The following CHD9 variants were observed in gnomAD, a reference collection of about 807,000 sequenced individuals.
CHD9 encodes ATP-dependent chromatin remodeler CHD9.
CHD9 carries 77 observed loss-of-function variants against 316.1 expected under a neutral mutation model. The observed-to-expected ratio is 0.24, with a 90% CI of 0.20 to 0.29. The LOEUF (loss-of-function observed/expected upper bound fraction) is 0.29. Among genes scored for constraint, CHD9 ranks in the 10% least tolerant of loss-of-function variants. CHD9 has a pLI of 1.00. For missense variants in CHD9, 2,763 were observed against 3,438.1 expected (o/e 0.80, Z 4.91); for synonymous variants, 1,129 against 1,158.3 (o/e 0.97, Z 0.51).
At chr16:53,108,865 G>C (rs1170399544) in intron 1 of CHD9, among the ~76,000 whole-genome samples, 1 of 151,956 alleles carries the variant, frequency 6.6e-6, no homozygotes, top group Non-Finnish European at 1.5e-5. Flanking sequence ...TTGCACTCCA[G>C]CCTGGGCAAT....
At chr16:53,087,790 A>G (rs2035587373) in intron 1 of CHD9, among the ~76,000 whole-genome samples, 1 of 152,114 alleles carries the variant, frequency 6.6e-6, no homozygotes, top group South Asian at 2.1e-4. Context: ...TCTACTAAAA[A>G]TACAAAAATT....
chr16:53,073,102 A>T (rs889781353), intron 1 of CHD9, among the ~76,000 whole-genome samples: 15 of 152,160 alleles, frequency 9.9e-5, no homozygotes, highest in Non-Finnish European at 2.9e-5. Flanking sequence ...ATCTTGTAAA[A>T]CTAAAACTCT....
rs757219416 is a variant in CHD9, at chr16:53,308,843, T to C, written c.7211T>C (p.Ile2404Thr). ...ETSLVNFPKS[I>T]PVSGTSIQPT... ...AGCCTCGTCAATTTCCCAAAATCCATACCAGTATCAGGTGAATATGCAAGT... is the reference window on the plus strand; with the variant it reads ...AGCCTCGTCAATTTCCCAAAATCCACACCAGTATCAGGTGAATATGCAAGT... Residue 2404 changes from isoleucine to threonine, a missense_variant, in exon 34 of 39, where the codon ATA becomes ACA. Transcript: ENST00000447540. The C allele has an allele frequency of 2.7e-5, 44 of 1,612,616 alleles. No homozygotes were observed. In the African/African-American group the frequency reaches 4.8e-4, roughly 18 times the overall value.
intron 1 of CHD9, among the ~76,000 whole-genome samples, chr16:53,116,528 T>A (rs2038318592): frequency 6.6e-6 from 1 of 152,170 alleles, no homozygotes; most frequent in African/African-American, 2.4e-5. Flanking sequence ...AGGAAAAAGT[T>A]AGGCAGTCCC....
chr16:53,288,669 A>G (rs2054090132), intron 27 of CHD9, among the ~76,000 whole-genome samples: 1 of 152,174 alleles, frequency 6.6e-6, no homozygotes, highest in Non-Finnish European at 1.5e-5. Flanking sequence ...TGTGTGGGCA[A>G]TGAAAACCAA....
Position 53,318,325 on chromosome 16 carries a change from A to G in CHD9, c.7698A>G (p.Arg2566=). 1 of 1,600,698 alleles carries G rather than the reference A, an allele frequency of 6.2e-7. No individual in the cohort carries two copies. The highest frequency in any genetic ancestry group is 8.5e-7 in the Non-Finnish European group (1 of 1,175,614). Residue 2566 remains arginine, a synonymous_variant, in exon 37 of 39, where the codon AGA becomes AGG. Coordinates refer to ENST00000447540, the MANE Select transcript of CHD9 (RefSeq NM_001308319.2). Reference sequence around the variant, plus strand: ...AAGAACGTGTTCAACTGATTAACAGAAGAAATGCTAGAAAGGTATTTTAAT... The same window carrying G: ...AAGAACGTGTTCAACTGATTAACAGGAGAAATGCTAGAAAGGTATTTTAAT... ...TGEERVQLIN[R]RNARKVGGAF... is the part of the protein sequence containing the mutation.
chr16:53,312,989 CTTT>C (rs1246593190), intron 34 of CHD9, among the ~76,000 whole-genome samples: 6 of 152,154 alleles, frequency 3.9e-5, no homozygotes, highest in African/African-American at 1.2e-4. Context: ...ATTATGTACT[CTTT>C]AAGGAAAAGT....
intron 1 of CHD9, among the ~76,000 whole-genome samples, chr16:53,082,050 G>A (rs536574942): frequency 2.0e-4 from 31 of 152,176 alleles, no homozygotes; most frequent in South Asian, 8.3e-4. Context: ...TGTCTCCTGC[G>A]CACTGGAATT....
At chr16:53,063,927 A>G (rs912204817) in intron 1 of CHD9, among the ~76,000 whole-genome samples, 1 of 149,232 alleles carries the variant, frequency 6.7e-6, no homozygotes, top group Admixed American at 6.7e-5. Flanking sequence ...TTAAACTCCT[A>G]GGCTCTGGCC....
chr16:53,183,465 A>G (rs2043703978), intron 2 of CHD9, among the ~76,000 whole-genome samples: 1 of 152,224 alleles, frequency 6.6e-6, no homozygotes, highest in Non-Finnish European at 1.5e-5. Context: ...ATTTATTTAA[A>G]AGACAGAGAT....
chr16:53,306,469 T>G, intron 32 of CHD9, 72 bp downstream of exon 32: 1 of 1,262,422 alleles, frequency 7.9e-7, no homozygotes, highest in Non-Finnish European at 1.1e-6. Context: ...TGGTAGATAT[T>G]CTTACTATGT....
chr16:53,057,041 T>C, intron 1 of CHD9, among the ~76,000 whole-genome samples: 1 of 152,150 alleles, frequency 6.6e-6, no homozygotes, highest in East Asian at 1.9e-4. Context: ...CCAGGCATGG[T>C]GGCTCATGCA....
rs1233089219 is a variant in CHD9, at chr16:53,292,956, A to G, written c.5414A>G (p.Gln1805Arg). ...AAAAACAGACAAATTCAGCAGATAC[A>G]ACCGACTTTCTCGGTGCCTACCAGT... ...TNKNRQIQQI[Q>R]PTFSVPTSVM... Residue 1805 changes from glutamine to arginine, a missense_variant, in exon 29 of 39, where the codon CAA (glutamine) becomes CGA (arginine). Physicochemically the swap from Gln to Arg is conservative, Grantham distance 43 (BLOSUM62 1). Around this residue, in one of 15 missense-constraint regions of CHD9, gnomAD observed 183 missense variants for 258.5 expected, o/e 0.71. Transcript: ENST00000447540. The G allele has an allele frequency of 1.5e-5, 25 of 1,613,764 alleles. No homozygotes were observed. The highest frequency in any genetic ancestry group is 1.6e-4 in the Middle Eastern group (1 of 6,084).
intron 30 of CHD9, among the ~76,000 whole-genome samples, chr16:53,302,063 CT>C (rs1258042508): frequency 2.0e-5 from 3 of 152,054 alleles, no homozygotes; most frequent in Non-Finnish European, 4.4e-5. Flanking sequence ...GCGCCTGGCC[CT>C]TCCTCTCTTA....
At chr16:53,115,523 C>T (rs2038224586) in intron 1 of CHD9, among the ~76,000 whole-genome samples, 1 of 152,134 alleles carries the variant, frequency 6.6e-6, no homozygotes, top group Non-Finnish European at 1.5e-5. Context: ...ACTTTTGCAC[C>T]AACCTAAAAA....
intron 28 of CHD9, 114 bp from the exon 29 acceptor site, chr16:53,292,719 G>GTT: frequency 4.0e-6 from 3 of 757,698 alleles, no homozygotes; most frequent in Non-Finnish European, 6.5e-6. Flanking sequence ...TGAGAAATAT[G>GTT]TTTTTTTTTC....
At chr16:53,152,223 T>A (rs1396291206) in intron 1 of CHD9, among the ~76,000 whole-genome samples, 2 of 152,214 alleles carry the variant, frequency 1.3e-5, no homozygotes, top group African/African-American at 4.8e-5. Flanking sequence ...CTGTATTACT[T>A]AGGTTTGTGT....
Position 53,304,502 on chromosome 16 carries a change from T to C in CHD9, c.6496T>C (p.Ser2166Pro), listed in dbSNP as rs949402529. The C allele has an allele frequency of 1.2e-5, 18 of 1,551,860 alleles. No individual in the cohort carries two copies. Among genetic ancestry groups the C allele is most frequent in the Non-Finnish European group, 1.6e-5 (18 of 1,146,790 alleles). The change falls in exon 31 of 39, where the codon TCT (serine) becomes CCT (proline). Residue 2166 changes from serine to proline, a missense_variant. Around this residue, in one of 15 missense-constraint regions of CHD9, gnomAD observed 663 missense variants for 751.2 expected, o/e 0.88. Coordinates refer to ENST00000447540, the MANE Select transcript of CHD9 (RefSeq NM_001308319.2). ...CSHSRSGSSS[S>P]SSSSCSSASS... is the part of the protein sequence containing the mutation. ...CCACTCTCGATCAGGCTCTAGTTCT[T>C]CTTCATCTTCATCTTGTTCTTCAGC...
chr16:53,263,577 T>A (rs777537042), intron 20 of CHD9, among the ~76,000 whole-genome samples: 6 of 152,120 alleles, frequency 3.9e-5, no homozygotes, highest in Non-Finnish European at 8.8e-5. Context: ...AATAATAGCA[T>A]AACTGCTTAT....
Sources: gnomAD v4.1 joint callset for allele counts (sites outside exome capture counted in the v4.1 genomes callset) on GRCh38, gnomAD v4.1.1 for gene constraint, gnomAD v4.1.1 regional missense constraint, MANE v1.5 for transcripts, NCBI Gene and HGNC (gene_info 2026-07-23, HGNC 2026-07-21) for gene names.